CXADR: variants seen among roughly 807,000 people sequenced by gnomAD.
CXADR encodes the protein coxsackievirus and adenovirus receptor.
In CXADR, 20 loss-of-function variants were observed where a neutral mutation model predicts 40.3. The ratio of observed to expected loss-of-function variants is 0.50; its 90% CI spans 0.35 to 0.72. The LOEUF is 0.72. Among genes scored for constraint, CXADR ranks in the 30% least tolerant of loss-of-function variants. The probability of loss-of-function intolerance (pLI) is 0.01; values close to 1 mark genes in which losing one functional copy is unlikely to be tolerated. For missense variants in CXADR, 332 were observed against 449.1 expected (o/e 0.74, Z 2.36); for synonymous variants, 150 against 161.3 (o/e 0.93, Z 0.53).
At chr21:17,605,270 T>C in the CXADR span, 1 of 261,524 alleles carries the variant, frequency 3.8e-6, no homozygotes, top group Admixed American at 5.2e-5. Context: ...CCCATGTACA[T>C]TAAATGAGCA....
chr21:17,565,332 C>A, intron 6 of CXADR, 96 bp from the exon 7 acceptor site: 4 of 1,334,158 alleles, frequency 3.0e-6, no homozygotes, highest in Non-Finnish European at 4.2e-6. Context: ...TGTTTAGTAC[C>A]TAAATACAGG....
chr21:17,604,186 G>A, the CXADR span: 5 of 1,239,990 alleles, frequency 4.0e-6, no homozygotes, highest in Non-Finnish European at 5.3e-6. Flanking sequence ...GCTCACGCCT[G>A]TAATCCAGCG....
At chr21:17,599,933 T>A in the CXADR span, among the ~76,000 whole-genome samples, 1 of 152,174 alleles carries the variant, frequency 6.6e-6, no homozygotes, top group South Asian at 2.1e-4. Context: ...GTTATTGAGA[T>A]TAAAGAAAAA....
At chr21:17,518,475 A>T in intron 1 of CXADR, 1 of 759,452 alleles carries the variant, frequency 1.3e-6, no homozygotes. Flanking sequence ...CTTTGGAACC[A>T]CATAGCTGAT....
At chr21:17,598,481 C>A, downstream of CXADR, 1 of 698,416 alleles carries the variant, frequency 1.4e-6, no homozygotes, top group South Asian at 2.1e-5. Context: ...AACAGCTTTC[C>A]CTTAGCATGG....
downstream of CXADR, chr21:17,570,203 C>T (rs1201220525): frequency 3.0e-6 from 3 of 983,788 alleles, no homozygotes; most frequent in Non-Finnish European, 3.6e-6. Flanking sequence ...TTCCTTCCCC[C>T]CGTGTATCCT....
chr21:17,574,998 CACATACATACAT>C (rs1555875111), downstream of CXADR, among the ~76,000 whole-genome samples: 36 of 38,100 alleles, frequency 9.4e-4, 1 homozygote, highest in Middle Eastern at 0.013. Flanking sequence ...TATATACACA[CACATACATACAT>C]ACATACATAC....
chr21:17,564,682 T>C (rs1477099796), intron 6 of CXADR, among the ~76,000 whole-genome samples: 2 of 152,112 alleles, frequency 1.3e-5, no homozygotes, highest in Admixed American at 1.3e-4. Context: ...TAGATAACTT[T>C]AATATAAAAA....
At chr21:17,550,290 G>T (rs1240070662) in intron 2 of CXADR, among the ~76,000 whole-genome samples, 1 of 149,662 alleles carries the variant, frequency 6.7e-6, no homozygotes, top group Admixed American at 6.7e-5. Context: ...GGAGGTGGAG[G>T]TTGCATTGAG....
At chr21:17,593,714 G>A (rs1055039268), downstream of CXADR, 2 of 169,734 alleles carry the variant, frequency 1.2e-5, no homozygotes, top group Non-Finnish European at 2.5e-5. Flanking sequence ...CTTAAACAAC[G>A]ACATAAAATA....
the CXADR span, among the ~76,000 whole-genome samples, chr21:17,610,201 T>C: frequency 2.0e-5 from 3 of 152,192 alleles, no homozygotes; most frequent in African/African-American, 7.2e-5. Context: ...TGCTAATAAG[T>C]ACAGGGTTAC....
chr21:17,523,284 A>G (rs1257983365), intron 1 of CXADR, among the ~76,000 whole-genome samples: 1 of 152,198 alleles, frequency 6.6e-6, no homozygotes, highest in Non-Finnish European at 1.5e-5. Context: ...TGTTCATTGC[A>G]TAAATGGGGA....
intron 1 of CXADR, among the ~76,000 whole-genome samples, chr21:17,532,143 G>C (rs185519585): frequency 2.0e-5 from 3 of 152,064 alleles, no homozygotes; most frequent in Admixed American, 2.0e-4. Flanking sequence ...ATGTTGCCCA[G>C]GTTGGTCTCA....
chr21:17,604,582 G>A, the CXADR span, among the ~76,000 whole-genome samples: 26 of 152,154 alleles, frequency 1.7e-4, no homozygotes, highest in Non-Finnish European at 2.1e-4. Context: ...GACACCTAGC[G>A]GAATCTAGGT....
chr21:17,566,612 A>G lies in CXADR; in HGVS notation c.*920A>G. The G allele has an allele frequency of 5.1e-6, 5 of 983,740 alleles. No individual in the cohort carries two copies. Among genetic ancestry groups the G allele is most frequent in the Non-Finnish European group, 6.0e-6 (5 of 828,420 alleles). The allele number at this position is 983,740 out of a possible 1,614,324, so 60.9% of individuals were successfully genotyped here. On this transcript the variant is annotated 3_prime_UTR_variant, in exon 7 of 7. Transcript: ENST00000284878. ...TGTTGTTTGACACTTATAGATTGAAATTTCCTAATTTATTCTAAATTTTAA... is the reference window on the plus strand; with the variant it reads ...TGTTGTTTGACACTTATAGATTGAAGTTTCCTAATTTATTCTAAATTTTAA...
intron 7 of CXADR, among the ~76,000 whole-genome samples, chr21:17,575,493 T>A (rs573552113): frequency 0.15 from 555 of 3,608 alleles, 3 homozygotes; most frequent in Non-Finnish European, 0.21. Context: ...AATTGTAAAA[T>A]TTTTTTTTTT....
the CXADR span, among the ~76,000 whole-genome samples, chr21:17,611,492 A>G: frequency 1.4e-4 from 21 of 152,322 alleles, no homozygotes; most frequent in East Asian, 3.7e-3. Flanking sequence ...CCCCGTTTGA[A>G]GAAATGATAG....
Position 17,566,461 on chromosome 21 carries a change from T to C in CXADR, c.*769T>C. 1.0e-6 allele frequency: 1 copy of C among 985,428 alleles called. No individual in the cohort carries two copies. 61.0% of individuals were successfully genotyped at this position (985,428 alleles called of 1,614,324 possible). On this transcript the variant is annotated 3_prime_UTR_variant, in exon 7 of 7. Coordinates refer to ENST00000284878, the MANE Select transcript of CXADR (RefSeq NM_001338.5). ...GTGCAATAGCAGGGATAGATTTTGT[T>C]GGTGAGTAGTCTCATGCCTTGAGAT...
At chr21:17,541,635 ACT>A (rs2060830573) in intron 1 of CXADR, among the ~76,000 whole-genome samples, 2 of 115,412 alleles carry the variant, frequency 1.7e-5, no homozygotes, top group Non-Finnish European at 3.6e-5. Flanking sequence ...TTTTTTTTTT[ACT>A]CTCTGTAGTT....
Sources: allele counts gnomAD v4.1 joint callset (sites outside exome capture counted in the v4.1 genomes callset), GRCh38; gene constraint gnomAD v4.1.1; transcripts MANE v1.5; gene names NCBI Gene and HGNC (gene_info 2026-07-23, HGNC 2026-07-21).